Variants in BABAM2 observed in about 807,000 individuals in gnomAD.
BABAM2 encodes BRISC and BRCA1 A complex member 2.
Under a neutral mutation model 54.7 loss-of-function variants are expected in BABAM2, and 31 were observed. That is an observed-to-expected ratio of 0.57 (90% CI 0.43 to 0.77). The LOEUF is 0.77. Ranked by LOEUF, BABAM2 falls within the 30% of genes least tolerant of loss-of-function variation. The pLI, the probability that BABAM2 is intolerant of heterozygous loss-of-function variation, is 0.00. For synonymous variants in BABAM2, 167 were observed against 162.9 expected, an observed-to-expected ratio of 1.03 and a Z score of -0.19; for missense variants, 364 against 455.8, an observed-to-expected ratio of 0.80 and a Z score of 1.83.
At chr2:27,950,965 A>G (rs1669672396) in intron 3 of BABAM2, among the ~76,000 whole-genome samples, 1 of 152,076 alleles carries the variant, frequency 6.6e-6, no homozygotes, top group South Asian at 2.1e-4. Flanking sequence ...TATTCTTTTA[A>G]AAAAATGTGT....
chr2:28,158,594 G>A (rs1672771681), intron 7 of BABAM2, among the ~76,000 whole-genome samples: 1 of 152,184 alleles, frequency 6.6e-6, no homozygotes, highest in African/African-American at 2.4e-5. Flanking sequence ...ATCCATGCTT[G>A]AATTTGTATT....
chr2:28,064,400 C>G (rs1352726612), intron 6 of BABAM2, among the ~76,000 whole-genome samples: 1 of 152,172 alleles, frequency 6.6e-6, no homozygotes, highest in Non-Finnish European at 1.5e-5. Context: ...GACTTAGAAG[C>G]CTTGTTAAGG....
chr2:27,973,818 C>T (rs988697165), intron 3 of BABAM2, among the ~76,000 whole-genome samples: 2 of 152,080 alleles, frequency 1.3e-5, no homozygotes, highest in Non-Finnish European at 2.9e-5. Context: ...CTGGGTGGTG[C>T]GTACTTTGGG....
At chr2:28,006,501 A>G (rs1453526003) in intron 4 of BABAM2, among the ~76,000 whole-genome samples, 2 of 152,104 alleles carry the variant, frequency 1.3e-5, no homozygotes, top group Non-Finnish European at 2.9e-5. Flanking sequence ...ATAAGTGTAT[A>G]GCAAGTAGAA....
At chr2:27,902,216 G>A (rs1665841852) in intron 2 of BABAM2, among the ~76,000 whole-genome samples, 1 of 152,138 alleles carries the variant, frequency 6.6e-6, no homozygotes, top group Non-Finnish European at 1.5e-5. Context: ...TTACCCATTA[G>A]TGGTTGTAAA....
At chr2:28,287,955 G>C (rs549014528) in intron 10 of BABAM2, among the ~76,000 whole-genome samples, 1 of 152,276 alleles carries the variant, frequency 6.6e-6, no homozygotes, top group African/African-American at 2.4e-5. Context: ...GAAGCAGAGG[G>C]ACAGAGAAGC....
intron 6 of BABAM2, among the ~76,000 whole-genome samples, chr2:28,110,517 G>A (rs183025280): frequency 6.6e-6 from 1 of 151,930 alleles, no homozygotes; most frequent in Non-Finnish European, 1.5e-5. Context: ...CCAGCTACTC[G>A]AGAGGCTGAG....
intron 7 of BABAM2, among the ~76,000 whole-genome samples, chr2:28,196,836 C>CTTTTTTTT (rs759950166): frequency 0.053 from 2,133 of 40,220 alleles, 721 homozygotes; most frequent in Non-Finnish European, 0.07. Flanking sequence ...GAGACCCTGT[C>CTTTTTTTT]TTTTTTTTTT....
intron 6 of BABAM2, among the ~76,000 whole-genome samples, chr2:28,087,793 C>T (rs1015526140): frequency 6.6e-6 from 1 of 152,006 alleles, no homozygotes; most frequent in African/African-American, 2.4e-5. Context: ...GGATTACAGG[C>T]GTGCGCCACT....
chr2:28,101,291 CAT>C (rs2148708654), intron 6 of BABAM2, among the ~76,000 whole-genome samples: 1 of 152,236 alleles, frequency 6.6e-6, no homozygotes, highest in South Asian at 2.1e-4. Flanking sequence ...CTCATTCACA[CAT>C]GATTCAAACA....
intron 4 of BABAM2, among the ~76,000 whole-genome samples, chr2:28,012,210 C>A (rs768784148): frequency 6.6e-6 from 1 of 152,162 alleles, no homozygotes; most frequent in Admixed American, 6.5e-5. Context: ...GATATTCGAG[C>A]AACCTGGAAA....
At chr2:28,209,648 C>G (rs1365543061) in intron 7 of BABAM2, among the ~76,000 whole-genome samples, 1 of 152,126 alleles carries the variant, frequency 6.6e-6, no homozygotes, top group Non-Finnish European at 1.5e-5. Flanking sequence ...ACTGGACACC[C>G]ATGTGTCAGA....
chr2:28,253,702 C>T (rs1329838041), intron 10 of BABAM2, among the ~76,000 whole-genome samples: 1 of 152,122 alleles, frequency 6.6e-6, no homozygotes, highest in Non-Finnish European at 1.5e-5. Context: ...TCACGGAAAC[C>T]CTGTAAGCCC....
At chr2:28,176,689 A>C (rs1331286879) in intron 7 of BABAM2, among the ~76,000 whole-genome samples, 2 of 151,056 alleles carry the variant, frequency 1.3e-5, no homozygotes, top group Non-Finnish European at 3.0e-5. Context: ...AAAGAGATAG[A>C]TATCCTTAAA....
intron 4 of BABAM2, among the ~76,000 whole-genome samples, chr2:27,989,164 C>T (rs72812545): frequency 5.9e-5 from 9 of 151,646 alleles, no homozygotes; most frequent in African/African-American, 2.2e-4. Context: ...CTGTGTGTTA[C>T]GTATTCACCC....
chr2:28,165,300 C>T (rs1317284468), intron 7 of BABAM2, among the ~76,000 whole-genome samples: 1 of 152,094 alleles, frequency 6.6e-6, no homozygotes, highest in Non-Finnish European at 1.5e-5. Flanking sequence ...TGAGAGGATT[C>T]TACAGAGAGA....
chr2:27,992,849 C>T (rs1028947847), intron 4 of BABAM2, among the ~76,000 whole-genome samples: 11 of 152,162 alleles, frequency 7.2e-5, no homozygotes. Context: ...AGGGCCTTTT[C>T]ATTTGCTATT....
At chr2:28,034,801 C>A (rs1676545825) in intron 5 of BABAM2, among the ~76,000 whole-genome samples, 1 of 152,098 alleles carries the variant, frequency 6.6e-6, no homozygotes, top group Non-Finnish European at 1.5e-5. Flanking sequence ...ATGGTCATTC[C>A]CATTAACCCG....
chr2:27,934,062 ATT>A, intron 3 of BABAM2, among the ~76,000 whole-genome samples: 1 of 147,098 alleles, frequency 6.8e-6, no homozygotes, highest in Middle Eastern at 3.3e-3. Context: ...TTCAACAAGG[ATT>A]TTTTTTTTTC....
Sources: gnomAD v4.1 joint callset for allele counts (sites outside exome capture counted in the v4.1 genomes callset) on GRCh38, gnomAD v4.1.1 for gene constraint, MANE v1.5 for transcripts, NCBI Gene and HGNC (gene_info 2026-07-23, HGNC 2026-07-21) for gene names.